Variants in TRAPPC2L observed in about 807,000 individuals in gnomAD.
TRAPPC2L encodes the protein trafficking protein particle complex subunit 2-like protein.
In TRAPPC2L, 17 loss-of-function variants were observed where a neutral mutation model predicts 13.2. The ratio of observed to expected loss-of-function variants is 1.29; its 90% CI spans 0.88 to 1.93. The LOEUF (loss-of-function observed/expected upper bound fraction) is 1.93, where lower values mean the gene tolerates loss of function less well. TRAPPC2L is among the 30% of genes most tolerant of loss of function. The pLI is 0.00. For missense variants in TRAPPC2L, 359 were observed against 252.1 expected, an observed-to-expected ratio of 1.42 and a Z score of -2.87; for synonymous variants, 150 against 98.1, an observed-to-expected ratio of 1.53 and a Z score of -3.12.
chr16:88,860,437 A>G (rs1968306549), exon 4 of TRAPPC2L: 2 of 606,466 alleles, frequency 3.3e-6, no homozygotes, highest in Non-Finnish European at 5.9e-6. Flanking sequence ...TGTGGGGTCC[A>G]TGCCCACATT....
At chr16:88,860,018 TGCC>T (rs1968278124) in exon 4 of TRAPPC2L, 1 of 1,474,964 alleles carries the variant, frequency 6.8e-7, no homozygotes. Context: ...CTGTAGGACA[TGCC>T]TTGCCATTTT....
At chr16:88,856,385 C>A (rs1186607671), upstream of TRAPPC2L, 1 of 701,698 alleles carries the variant, frequency 1.4e-6, no homozygotes, top group Non-Finnish European at 2.6e-6. Flanking sequence ...CCCACCTTTC[C>A]CAAGAGTAGA....
chr16:88,859,578 C>T (rs1271410429), intron 2 of TRAPPC2L, 85 bp from the exon 3 acceptor site: 1 of 1,300,828 alleles, frequency 7.7e-7, no homozygotes, highest in Non-Finnish European at 1.1e-6. Flanking sequence ...TCAAGGTTGC[C>T]ACATTTCTCC....
chr16:88,860,020 C>A (rs889631140), exon 4 of TRAPPC2L: 1 of 1,471,234 alleles, frequency 6.8e-7, no homozygotes, highest in Admixed American at 1.8e-5. Context: ...GTAGGACATG[C>A]CTTGCCATTT....
exon 4 of TRAPPC2L, chr16:88,860,062 A>G: frequency 8.2e-7 from 1 of 1,224,092 alleles, no homozygotes; most frequent in African/African-American, 1.7e-5. Flanking sequence ...TTGGAAAATA[A>G]GGGAGGAAAG....
chr16:88,859,561 C>CTG (rs1307561320), intron 2 of TRAPPC2L, 102 bp from the exon 3 acceptor site: 1 of 1,116,552 alleles, frequency 9.0e-7, no homozygotes, highest in Non-Finnish European at 1.4e-6. Context: ...TGGGCATTTC[C>CTG]TGTGATTCAA....
At chr16:88,860,639 C>T (rs1447680363) in exon 4 of TRAPPC2L, 1 of 594,960 alleles carries the variant, frequency 1.7e-6, no homozygotes. Flanking sequence ...CAGGGCCATC[C>T]TTGCCACACC....
chr16:88,857,041 A>T (rs1320513281), upstream of TRAPPC2L: 4 of 1,428,560 alleles, frequency 2.8e-6, no homozygotes, highest in Non-Finnish European at 3.6e-6. Flanking sequence ...CTGCCTCGTG[A>T]CCAGTGGGGC....
intron 2 of TRAPPC2L, chr16:88,858,999 G>T: frequency 1.7e-6 from 1 of 595,514 alleles, no homozygotes; most frequent in Non-Finnish European, 2.9e-6. Context: ...AGAATTCCCC[G>T]TAGAATGTTT....
intron 2 of TRAPPC2L, 46 bp downstream of exon 2, chr16:88,858,837 A>G: frequency 6.4e-7 from 1 of 1,572,606 alleles, no homozygotes; most frequent in Non-Finnish European, 8.6e-7. Context: ...CTACAGTTGC[A>G]AGATGTACTT....
upstream of TRAPPC2L, chr16:88,857,075 G>A (rs1967964747): frequency 4.0e-6 from 6 of 1,509,774 alleles, no homozygotes; most frequent in South Asian, 6.3e-5. Flanking sequence ...GCTGTGTGCG[G>A]ATGGGGCGGG....
exon 2 of TRAPPC2L, chr16:88,858,751 C>T: frequency 1.9e-6 from 3 of 1,613,458 alleles, no homozygotes; most frequent in Non-Finnish European, 2.5e-6. Context: ...CCAGAGGGAG[C>T]TGTACCTGGG....
At chr16:88,858,508 T>A in intron 1 of TRAPPC2L, 111 bp from the exon 2 acceptor site, 1 of 1,192,990 alleles carries the variant, frequency 8.4e-7, no homozygotes, top group South Asian at 1.4e-5. Context: ...CCTTAGAGCA[T>A]GGGAATGCGT....
chr16:88,858,487 G>A (rs1968137499), intron 1 of TRAPPC2L, 132 bp from the exon 2 acceptor site: 1 of 900,314 alleles, frequency 1.1e-6, no homozygotes, highest in Non-Finnish European at 1.7e-6. Flanking sequence ...CATAGAGAAT[G>A]AAGCGGTGGG....
At chr16:88,858,827 C>G (rs1426787167) in intron 2 of TRAPPC2L, 36 bp downstream of exon 2, 6 of 1,588,760 alleles carry the variant, frequency 3.8e-6, no homozygotes, top group Non-Finnish European at 4.3e-6. Flanking sequence ...CAGGGAGGAC[C>G]TACAGTTGCA....
exon 4 of TRAPPC2L, chr16:88,860,250 G>A: frequency 1.4e-6 from 1 of 702,430 alleles, no homozygotes; most frequent in Middle Eastern, 2.3e-4. Context: ...GGGTACCTGG[G>A]GCACCTGCAG....
At chr16:88,857,286 C>G (rs113301776) in intron 1 of TRAPPC2L, 103 bp downstream of exon 1, 1 of 1,119,824 alleles carries the variant, frequency 8.9e-7, no homozygotes, top group African/African-American at 1.6e-5. Flanking sequence ...GGAAATGGGA[C>G]CTGGAGGAGG....
exon 4 of TRAPPC2L, chr16:88,861,079 G>T: frequency 1.0e-6 from 1 of 958,180 alleles, no homozygotes; most frequent in African/African-American, 1.6e-5. Context: ...AGGCAGCTGT[G>T]CATGTTCTCT....
chr16:88,859,636 G>C (rs375073884), intron 2 of TRAPPC2L, 27 bp from the exon 3 acceptor site: 3 of 1,610,280 alleles, frequency 1.9e-6, no homozygotes, highest in Admixed American at 1.7e-5. Context: ...CCTGTGTTAC[G>C]AGTGCCTTCC....
Sources: gnomAD v4.1 joint callset for allele counts on GRCh38, gnomAD v4.1.1 for gene constraint, MANE v1.5 for transcripts, NCBI Gene and HGNC (gene_info 2026-07-23, HGNC 2026-07-21) for gene names.